Variants in ESR2 observed in about 807,000 individuals in gnomAD.
ESR2 encodes estrogen receptor beta.
A neutral mutation model predicts 49.6 loss-of-function variants in ESR2; 36 were observed. The ratio of observed to expected loss-of-function variants is 0.73; its 90% CI spans 0.56 to 0.96. ESR2 has a LOEUF of 0.96. Ranked by LOEUF, ESR2 falls within the 40% of genes least tolerant of loss-of-function variation. The probability of loss-of-function intolerance (pLI) is 0.00; values close to 1 mark genes in which losing one functional copy is unlikely to be tolerated. For missense variants in ESR2, 714 were observed against 693.0 expected, an observed-to-expected ratio of 1.03 and a Z score of -0.34; for synonymous variants, 320 against 266.1, an observed-to-expected ratio of 1.20 and a Z score of -1.97.
At chr14:64,273,044 T>TA (rs2076481508) in intron 3 of ESR2, among the ~76,000 whole-genome samples, 1 of 152,188 alleles carries the variant, frequency 6.6e-6, no homozygotes, top group Non-Finnish European at 1.5e-5. Context: ...ACCAGTGTTT[T>TA]ATAGTTTTCA....
chr14:64,337,424 T>C (rs2077545151), intron 1 of ESR2: 1 of 152,240 alleles, frequency 6.6e-6, no homozygotes, highest in Non-Finnish European at 1.5e-5. Flanking sequence ...TTCAATTCCC[T>C]TCTTAATTTC....
chr14:64,288,715 G>C (rs1201702341), intron 1 of ESR2, among the ~76,000 whole-genome samples: 1 of 151,130 alleles, frequency 6.6e-6, no homozygotes, highest in Non-Finnish European at 1.5e-5. Context: ...CCCGGGCGCG[G>C]GTGGCTCATG....
At chr14:64,227,580 C>T, downstream of ESR2, 1 of 1,614,160 alleles carries the variant, frequency 6.2e-7, no homozygotes, top group South Asian at 1.1e-5. Flanking sequence ...ATCTTCATTC[C>T]AAATGAGGTG....
At chr14:64,321,593 A>T (rs764515322) in intron 1 of ESR2, among the ~76,000 whole-genome samples, 1 of 152,236 alleles carries the variant, frequency 6.6e-6, no homozygotes, top group South Asian at 2.1e-4. Flanking sequence ...TATGTCCCCA[A>T]TGACAAGACA....
chr14:64,296,043 C>CAAAAAAA (rs34335763), upstream of ESR2, among the ~76,000 whole-genome samples: 1 of 89,236 alleles, frequency 1.1e-5, no homozygotes, highest in Non-Finnish European at 2.1e-5. Flanking sequence ...GACTCTGTCT[C>CAAAAAAA]AAAAAAAAAA....
At chr14:64,236,816 A>C (rs963350502) in intron 7 of ESR2, among the ~76,000 whole-genome samples, 1 of 151,384 alleles carries the variant, frequency 6.6e-6, no homozygotes, top group African/African-American at 2.4e-5. Context: ...GTCCCCTGAT[A>C]CTCTGACAGT....
rs2098725146 is a variant in ESR2 at position 64,229,329 on chromosome 14, T to C, written c.*3808A>G. On this transcript the variant is annotated 3_prime_UTR_variant, in exon 9 of 9. Transcript: ENST00000341099. ...TGGGGCAGGAGCAATACTGGCCCGC[T>C]AGGCAAGCAGAAGACTTGCGTGCCA... 6.6e-6 allele frequency among the ~76,000 whole-genome samples: 1 copy of C among 152,090 alleles called. No individual in the cohort carries two copies. The highest frequency in any genetic ancestry group is 2.1e-4 in the South Asian group (1 of 4,816).
intron 4 of ESR2, among the ~76,000 whole-genome samples, chr14:64,265,633 C>T (rs2076314174): frequency 6.6e-6 from 1 of 152,130 alleles, no homozygotes; most frequent in South Asian, 2.1e-4. Context: ...GGATATAGGC[C>T]AAATACATGG....
At chr14:64,294,685 G>A (rs2076930465), upstream of ESR2, among the ~76,000 whole-genome samples, 1 of 152,216 alleles carries the variant, frequency 6.6e-6, no homozygotes, top group South Asian at 2.1e-4. Context: ...CACACTTCGA[G>A]GATCACGTCC....
At chr14:64,271,444 G>A (rs1327828865) in intron 3 of ESR2, among the ~76,000 whole-genome samples, 1 of 152,202 alleles carries the variant, frequency 6.6e-6, no homozygotes, top group African/African-American at 2.4e-5. Context: ...TCCTGCCTCA[G>A]CCTCCCGAGT....
rs2098728305 is a variant in ESR2 at position 64,232,615 on chromosome 14, T to TC, written c.*521dup. The TC allele has an allele frequency of 6.5e-6, 1 of 153,696 alleles. No individual in the cohort carries two copies. Among genetic ancestry groups the TC allele is most frequent in the Non-Finnish European group, 1.4e-5 (1 of 68,966 alleles). The allele number at this position is 153,696 out of a possible 1,614,324, so 9.5% of individuals were successfully genotyped here. ...AATAAGCATCATATGATATGATCAG[T>TC]CCCCACAGGCCTGGGAGGTAAGTAC... is the stretch of plus-strand genomic sequence containing the variant. On this transcript the variant is annotated 3_prime_UTR_variant, in exon 9 of 9. Transcript: ENST00000341099.
At chr14:64,240,651 T>A (rs910206112) in intron 7 of ESR2, among the ~76,000 whole-genome samples, 5 of 152,206 alleles carry the variant, frequency 3.3e-5, no homozygotes, top group Admixed American at 6.5e-5. Context: ...ATGAACACAC[T>A]CAGCTGCAAG....
In ESR2 at chr14:64,321,224, CA is replaced by C. The variant is rs1046847968; in HGVS notation, c.-91+16673del. Reference sequence around the variant, plus strand: ...AAGTTATTTATTTCTATGAAATGTCCAAAAAAAGGAAAATGTATACACACAG... The same window carrying C: ...AAGTTATTTATTTCTATGAAATGTCCAAAAAAGGAAAATGTATACACACAG... On this transcript the variant is annotated intron_variant, in intron 1 of 8. Coordinates refer to the ESR2 transcript ENST00000358599. Among the ~76,000 whole-genome samples the C allele has an allele frequency of 3.4e-5, 5 of 147,584 alleles. No homozygotes were observed. In the South Asian group the frequency reaches 6.5e-4, roughly 19 times the overall value.
rs765590594 is a variant in ESR2, at chr14:64,282,626, G to C, written c.360C>G (p.Asn120Lys). 1.9e-6 allele frequency: 3 copies of C among 1,593,926 alleles called. No homozygotes were observed. Among genetic ancestry groups the C allele is most frequent in the South Asian group, 2.2e-5 (2 of 89,998 alleles). ...ARSLEHTLPVNRETLKRKVSG... is the reference protein window; with the variant it reads ...ARSLEHTLPVKRETLKRKVSG... ...TTCAGAATGAAGACTGGACTTACCT[G>C]TTTACAGGTAAGGTGTGTTCTAGCG... Residue 120 changes from asparagine to lysine, a missense_variant and splice_region_variant, in exon 2 of 9, where the codon AAC (asparagine) becomes AAG (lysine). By Grantham distance (94) the Asn-to-Lys change is moderately conservative. Coordinates refer to ENST00000341099, the MANE Select transcript of ESR2 (RefSeq NM_001437.3).
intron 1 of ESR2, among the ~76,000 whole-genome samples, chr14:64,317,187 A>T (rs1490677336): frequency 2.0e-5 from 3 of 152,162 alleles, no homozygotes; most frequent in Non-Finnish European, 2.9e-5. Flanking sequence ...AACCACTTGA[A>T]CCCAGAGGCA....
intron 7 of ESR2, among the ~76,000 whole-genome samples, chr14:64,245,405 A>G (rs1414536811): frequency 2.7e-5 from 4 of 149,888 alleles, no homozygotes; most frequent in African/African-American, 7.4e-5. Context: ...CCAGCTACTC[A>G]GGAGGCTGAG....
chr14:64,336,356 C>T (rs564008314), intron 1 of ESR2: 28 of 152,194 alleles, frequency 1.8e-4, no homozygotes, highest in African/African-American at 6.7e-4. Flanking sequence ...AACACTGTTT[C>T]CTTACTAACT....
chr14:64,316,300 A>C (rs28862689), intron 1 of ESR2, among the ~76,000 whole-genome samples: 1 of 151,732 alleles, frequency 6.6e-6, no homozygotes, highest in Admixed American at 6.6e-5. Context: ...CATGAGCCAC[A>C]GTGCCCAGCC....
intron 7 of ESR2, among the ~76,000 whole-genome samples, chr14:64,237,399 C>T (rs546949217): frequency 1.3e-5 from 2 of 152,174 alleles, no homozygotes; most frequent in African/African-American, 4.8e-5. Context: ...TAAAATTAAC[C>T]CCATCTGCAT....
Sources: gnomAD v4.1 joint callset for allele counts (sites outside exome capture counted in the v4.1 genomes callset) on GRCh38, gnomAD v4.1.1 for gene constraint, MANE v1.5 for transcripts, NCBI Gene and HGNC (gene_info 2026-07-23, HGNC 2026-07-21) for gene names.